Variants in THSD4 observed in about 807,000 individuals in gnomAD.
THSD4 encodes thrombospondin type-1 domain-containing protein 4.
Under a neutral mutation model 119.0 loss-of-function variants are expected in THSD4, and 69 were observed. The observed-to-expected ratio is 0.58, with a 90% CI of 0.48 to 0.71. The LOEUF is 0.71. Among genes scored for constraint, THSD4 ranks in the 30% least tolerant of loss-of-function variants. The probability of loss-of-function intolerance (pLI) is 0.00; values close to 1 mark genes in which losing one functional copy is unlikely to be tolerated. For missense variants in THSD4, 1,393 were observed against 1,391.1 expected, an observed-to-expected ratio of 1.00 and a Z score of -0.02; for synonymous variants, 524 against 540.4, an observed-to-expected ratio of 0.97 and a Z score of 0.42.
chr15:71,770,275 T>A (rs2053796845), intron 16 of THSD4, among the ~76,000 whole-genome samples: 1 of 106,626 alleles, frequency 9.4e-6, no homozygotes, highest in African/African-American at 3.8e-5. Flanking sequence ...AAGGACTTTC[T>A]CAAAGAAAAT....
At chr15:71,329,421 C>T (rs1362121373) in intron 6 of THSD4, among the ~76,000 whole-genome samples, 1 of 152,166 alleles carries the variant, frequency 6.6e-6, no homozygotes, top group African/African-American at 2.4e-5. Context: ...TTGAGTGACC[C>T]ACACTGCTTA....
At chr15:71,773,160 C>T (rs2053851071) in intron 17 of THSD4, among the ~76,000 whole-genome samples, 1 of 132,808 alleles carries the variant, frequency 7.5e-6, no homozygotes, top group Non-Finnish European at 1.5e-5. Flanking sequence ...GCAATCGCAC[C>T]ACTGCACTCC....
intron 7 of THSD4, among the ~76,000 whole-genome samples, chr15:71,621,313 G>A (rs1411407289): frequency 6.6e-6 from 1 of 152,182 alleles, no homozygotes; most frequent in African/African-American, 2.4e-5. Context: ...TTTTTTGTAA[G>A]TTCAATGGAG....
chr15:71,446,607 A>G (rs140361423), intron 7 of THSD4, among the ~76,000 whole-genome samples: 1 of 152,328 alleles, frequency 6.6e-6, no homozygotes, highest in African/African-American at 2.4e-5. Context: ...CAGAAAATCC[A>G]ATGCAAAGGC....
At chr15:71,240,417 A>G (rs962740920) in intron 4 of THSD4, among the ~76,000 whole-genome samples, 4 of 152,116 alleles carry the variant, frequency 2.6e-5, no homozygotes, top group East Asian at 1.9e-4. Context: ...ATTTTATTCT[A>G]TGACTGATTA....
rs771023555 is a variant in THSD4, at chr15:71,141,563, G to A, written c.29+7G>A. The A allele has an allele frequency of 1.2e-6, 2 of 1,607,214 alleles. No homozygotes were observed. Among genetic ancestry groups the A allele is most frequent in the Non-Finnish European group, 8.5e-7 (1 of 1,177,256 alleles). Reference sequence around the variant, plus strand: ...ATTTCATGGGGTCTCTCAGGTAAGTGAAGAAACTTTTTTTAAAAAAACAGG... The same window carrying A: ...ATTTCATGGGGTCTCTCAGGTAAGTAAAGAAACTTTTTTTAAAAAAACAGG... On this transcript the variant is annotated splice_region_variant and intron_variant, in intron 2 of 17. Coordinates refer to ENST00000261862, the MANE Select transcript of THSD4 (RefSeq NM_024817.3).
chr15:71,163,487 T>C (rs2043265091), intron 3 of THSD4, among the ~76,000 whole-genome samples: 1 of 152,108 alleles, frequency 6.6e-6, no homozygotes, highest in Non-Finnish European at 1.5e-5. Context: ...TGCCAAATTG[T>C]TCCCTAAACT....
chr15:71,171,015 T>A (rs568693271), intron 3 of THSD4, among the ~76,000 whole-genome samples: 62 of 152,134 alleles, frequency 4.1e-4, no homozygotes, highest in African/African-American at 1.4e-3. Flanking sequence ...AAAAATAGAA[T>A]TTAAAAAAGA....
At chr15:71,610,254 G>A (rs539499293) in intron 7 of THSD4, among the ~76,000 whole-genome samples, 47 of 152,316 alleles carry the variant, frequency 3.1e-4, no homozygotes, top group Non-Finnish European at 5.3e-4. Flanking sequence ...CCAGTGAGAT[G>A]TGTCATGCCC....
At chr15:71,444,311 C>T (rs1366493484) in intron 7 of THSD4, among the ~76,000 whole-genome samples, 1 of 152,168 alleles carries the variant, frequency 6.6e-6, no homozygotes, top group East Asian at 1.9e-4. Flanking sequence ...TATTGCAAAT[C>T]ACAAATTCTG....
intron 3 of THSD4, among the ~76,000 whole-genome samples, chr15:71,211,899 G>T (rs1284913852): frequency 6.6e-6 from 1 of 152,124 alleles, no homozygotes; most frequent in Non-Finnish European, 1.5e-5. Context: ...ATTTGGTTTT[G>T]CTGCCTGTCA....
intron 3 of THSD4, among the ~76,000 whole-genome samples, chr15:71,174,292 C>T (rs543988133): frequency 2.8e-4 from 43 of 152,092 alleles, no homozygotes; most frequent in Non-Finnish European, 4.6e-4. Context: ...TGTGTGCGCG[C>T]GCCGAAGCAG....
intron 7 of THSD4, among the ~76,000 whole-genome samples, chr15:71,493,278 G>A (rs1000414802): frequency 1.2e-4 from 19 of 152,218 alleles, no homozygotes; most frequent in African/African-American, 3.9e-4. Context: ...CACCTGCGGC[G>A]TCTTCTGAGC....
intron 3 of THSD4, among the ~76,000 whole-genome samples, chr15:71,157,679 C>CTTTTTTTTTT (rs60477136): frequency 1.9e-5 from 1 of 51,622 alleles, no homozygotes; most frequent in Non-Finnish European, 3.9e-5. Flanking sequence ...TATATCAACT[C>CTTTTTTTTTT]TTTTTTTTTT....
At position 71,407,967 on chromosome 15, in the gene THSD4, T is replaced by G. The variant is rs527448248; in HGVS notation, c.1016-3720T>G. Among the ~76,000 whole-genome samples, 143 of 152,242 alleles carry G rather than the reference T, an allele frequency of 9.4e-4. 5 individuals carry two copies. The South Asian group carries it at 0.028, about 30-fold the overall frequency. ...TGTGTGGACAGGATGCTAGGTGAAA[T>G]GTTCCTTTTGGAGGCAGGGAGGACA... On this transcript the variant is annotated intron_variant, in intron 6 of 17. Coordinates refer to ENST00000261862, the MANE Select transcript of THSD4 (RefSeq NM_024817.3).
chr15:71,583,462 T>G (rs1198831526), intron 7 of THSD4, among the ~76,000 whole-genome samples: 1 of 151,850 alleles, frequency 6.6e-6, no homozygotes, highest in Non-Finnish European at 1.5e-5. Flanking sequence ...GGCTTTGTTT[T>G]TTTTTTCCTA....
intron 6 of THSD4, among the ~76,000 whole-genome samples, chr15:71,257,549 A>G (rs974734361): frequency 1.3e-5 from 2 of 152,254 alleles, no homozygotes; most frequent in East Asian, 3.9e-4. Flanking sequence ...GCCAAGACCC[A>G]GAGTATGGAG....
intron 7 of THSD4, among the ~76,000 whole-genome samples, chr15:71,590,733 A>T (rs2049780074): frequency 6.6e-6 from 1 of 152,132 alleles, no homozygotes; most frequent in South Asian, 2.1e-4. Flanking sequence ...GACAGGCACG[A>T]TGGCTCACGC....
chr15:71,702,459 AATTGTATTAG>A (rs1051036152), intron 8 of THSD4, among the ~76,000 whole-genome samples: 1 of 152,134 alleles, frequency 6.6e-6, no homozygotes, highest in Admixed American at 6.5e-5. Context: ...ATGGTTAATA[AATTGTATTAG>A]ATTTAAGACC....
Sources: allele counts gnomAD v4.1 joint callset (sites outside exome capture counted in the v4.1 genomes callset), GRCh38; gene constraint gnomAD v4.1.1; transcripts MANE v1.5; gene names NCBI Gene and HGNC (gene_info 2026-07-23, HGNC 2026-07-21).